The following EXT1 variants were observed in gnomAD, a reference collection of about 807,000 sequenced individuals.
EXT1 encodes exostosin-1.
In EXT1, 20 loss-of-function variants were observed where a neutral mutation model predicts 82.5. The ratio of observed to expected loss-of-function variants is 0.24; its 90% CI spans 0.17 to 0.35. EXT1 has a LOEUF of 0.35. Among genes scored for constraint, EXT1 ranks in the 10% least tolerant of loss-of-function variants. EXT1 has a pLI of 1.00. For missense variants in EXT1, 757 were observed against 936.5 expected (o/e 0.81, Z 2.50); for synonymous variants, 348 against 350.8 (o/e 0.99, Z 0.09).
intron 1 of EXT1, among the ~76,000 whole-genome samples, chr8:118,092,887 C>T (rs1270471672): frequency 1.3e-5 from 2 of 152,164 alleles, no homozygotes; most frequent in Non-Finnish European, 2.9e-5. Flanking sequence ...AAATGACAGG[C>T]TTCAAATGAC....
rs17475966 is a variant in EXT1 at position 117,946,292 on chromosome 8, T to C, written c.963-109091A>G. Reference sequence around the variant, plus strand: ...CTTCATTTTAATCTGCATTTGCTAATGAGGCATATTTGACTGTGTCTAACT... The same window carrying C: ...CTTCATTTTAATCTGCATTTGCTAACGAGGCATATTTGACTGTGTCTAACT... On this transcript the variant is annotated intron_variant, in intron 1 of 10. Transcript: ENST00000378204. 9.8e-3 allele frequency among the ~76,000 whole-genome samples: 1,491 copies of C among 152,358 alleles called. 26 individuals are homozygous for C. The highest frequency in any genetic ancestry group is 0.034 in the African/African-American group (1,433 of 41,580).
chr8:118,000,412 C>G (rs1387113296), intron 1 of EXT1, among the ~76,000 whole-genome samples: 1 of 152,216 alleles, frequency 6.6e-6, no homozygotes. Context: ...CCCAAATAAG[C>G]TGAAATCCTG....
intron 1 of EXT1, among the ~76,000 whole-genome samples, chr8:118,096,405 G>A (rs534018181): frequency 2.0e-5 from 3 of 152,072 alleles, no homozygotes; most frequent in Non-Finnish European, 2.9e-5. Context: ...GGCGGATCAC[G>A]AGGTCGGGAG....
rs547668346 is a variant in EXT1, at chr8:117,822,658, A to C, written c.1285-61T>G. ...ATCCTGATGATATTTGGAAAGGATG[A>C]TGCTCAATCCAAATTCGAAAGATGG... On this transcript the variant is annotated intron_variant, in intron 4 of 10. Coordinates refer to ENST00000378204, the MANE Select transcript of EXT1 (RefSeq NM_000127.3). 7.5e-6 allele frequency: 12 copies of C among 1,593,280 alleles called. No homozygotes were observed. The African/African-American group carries it at 1.6e-4, about 21-fold the overall frequency.
chr8:117,879,594 C>T (rs958958276), intron 1 of EXT1, among the ~76,000 whole-genome samples: 1 of 152,150 alleles, frequency 6.6e-6, no homozygotes, highest in Non-Finnish European at 1.5e-5. Flanking sequence ...TTTTGTTATG[C>T]ATCAATTAGA....
chr8:118,085,219 C>T (rs17506142), intron 1 of EXT1, among the ~76,000 whole-genome samples: 1 of 152,114 alleles, frequency 6.6e-6, no homozygotes, highest in African/African-American at 2.4e-5. Flanking sequence ...ATTAAAATAA[C>T]CTATTTGCTA....
At chr8:117,896,734 T>C in intron 1 of EXT1, among the ~76,000 whole-genome samples, 1 of 152,046 alleles carries the variant, frequency 6.6e-6, no homozygotes, top group East Asian at 1.9e-4. Flanking sequence ...TTTGGGGAGG[T>C]GGATGGAGAA....
At chr8:118,032,828 C>T (rs1586354151) in intron 1 of EXT1, among the ~76,000 whole-genome samples, 1 of 152,156 alleles carries the variant, frequency 6.6e-6, no homozygotes, top group South Asian at 2.1e-4. Context: ...AAGTTTTAAG[C>T]TAAACTGAAA....
intron 6 of EXT1, 151 bp downstream of exon 6, chr8:117,819,525 C>T (rs1452479971): frequency 9.2e-6 from 7 of 758,752 alleles, no homozygotes; most frequent in Admixed American, 3.7e-5. Flanking sequence ...AAGGGTGTAA[C>T]GAGGCAGGAT....
intron 1 of EXT1, among the ~76,000 whole-genome samples, chr8:118,009,782 G>A (rs1189623637): frequency 6.6e-6 from 1 of 152,150 alleles, no homozygotes; most frequent in Admixed American, 6.6e-5. Context: ...GATCTCAGGT[G>A]GAACAGTTTC....
chr8:117,800,018 C>T, intron 10 of EXT1, 121 bp from the exon 11 acceptor site: 1 of 957,664 alleles, frequency 1.0e-6, no homozygotes, highest in Non-Finnish European at 1.6e-6. Context: ...GGCCCGGCCA[C>T]CAAGTCTCAC....
chr8:117,934,052 C>T (rs1438033037), intron 1 of EXT1, among the ~76,000 whole-genome samples: 1 of 152,096 alleles, frequency 6.6e-6, no homozygotes, highest in African/African-American at 2.4e-5. Flanking sequence ...CTCCCAACCA[C>T]AGGAACACTC....
chr8:117,917,682 C>T (rs937754592), intron 1 of EXT1, among the ~76,000 whole-genome samples: 1 of 152,170 alleles, frequency 6.6e-6, no homozygotes, highest in African/African-American at 2.4e-5. Flanking sequence ...TATGGTACCA[C>T]TGCCTTTTCT....
intron 1 of EXT1, among the ~76,000 whole-genome samples, chr8:117,903,925 T>C (rs1008241303): frequency 1.3e-5 from 2 of 152,232 alleles, no homozygotes; most frequent in African/African-American, 4.8e-5. Context: ...CTCTTGAACT[T>C]CATTTGTGCC....
chr8:118,074,140 T>C lies in EXT1; in HGVS notation c.962+35945A>G, dbSNP rs150025952. On this transcript the variant is annotated intron_variant, in intron 1 of 10. Coordinates refer to ENST00000378204, the MANE Select transcript of EXT1 (RefSeq NM_000127.3). ...GACAGAAATGGAGAAATTAGATAAA[T>C]AACTGCGGGGACGGGGAGGGGGAGG... 9.0e-4 allele frequency among the ~76,000 whole-genome samples: 131 copies of C among 145,912 alleles called. 1 individual carries two copies. The highest frequency in any genetic ancestry group is 8.8e-3 in the Admixed American group (128 of 14,562).
chr8:117,801,785 C>A (rs1045934236), intron 10 of EXT1, among the ~76,000 whole-genome samples: 18 of 152,178 alleles, frequency 1.2e-4, no homozygotes, highest in African/African-American at 4.3e-4. Flanking sequence ...GGATTATAGG[C>A]ATGAGCCACT....
chr8:117,923,330 G>A (rs567855929), intron 1 of EXT1, among the ~76,000 whole-genome samples: 1 of 151,562 alleles, frequency 6.6e-6, no homozygotes, highest in Admixed American at 6.6e-5. Flanking sequence ...AACACAAAAA[G>A]AAGGAAGGAA....
At position 118,110,290 on chromosome 8, in the gene EXT1, A is replaced by G. The variant is rs1436385815; in HGVS notation, c.757T>C (p.Phe253Leu). 4 of 1,614,026 alleles carry G rather than the reference A, an allele frequency of 2.5e-6. No homozygotes were observed. The Admixed American group carries it at 6.7e-5, about 27-fold the overall frequency. The change falls in exon 1 of 11, where the codon TTC (phenylalanine) becomes CTC (leucine). Residue 253 changes from phenylalanine to leucine, a missense_variant. Coordinates refer to ENST00000378204, the MANE Select transcript of EXT1 (RefSeq NM_000127.3). ...RTGGERGFLK[F>L]NTIPPLRKYM... ...TTCCTGAGAGGAGGGATGGTGTTGA[A>G]CTTCAAAAACCCCCTCTCCCCTCCT...
At chr8:118,016,810 C>T (rs528906267) in intron 1 of EXT1, among the ~76,000 whole-genome samples, 1 of 152,266 alleles carries the variant, frequency 6.6e-6, no homozygotes, top group South Asian at 2.1e-4. Context: ...TACTCACTGC[C>T]GGCAGACAAC....
Sources: gnomAD v4.1 joint callset for allele counts (sites outside exome capture counted in the v4.1 genomes callset) on GRCh38, gnomAD v4.1.1 for gene constraint, MANE v1.5 for transcripts, NCBI Gene and HGNC (gene_info 2026-07-23, HGNC 2026-07-21) for gene names.